KIF6: variants seen among roughly 807,000 people sequenced by gnomAD.
KIF6 encodes kinesin family member 6.
KIF6 carries 106 observed loss-of-function variants against 112.7 expected under a neutral mutation model. The ratio of observed to expected loss-of-function variants is 0.94; its 90% CI spans 0.80 to 1.11. The LOEUF (loss-of-function observed/expected upper bound fraction) is 1.11. Among genes scored for constraint, KIF6 ranks in the 50% least tolerant of loss-of-function variants. KIF6 has a pLI of 0.00. For synonymous variants in KIF6, 339 were observed against 339.9 expected, an observed-to-expected ratio of 1.00 and a Z score of 0.03; for missense variants, 929 against 964.0, an observed-to-expected ratio of 0.96 and a Z score of 0.48.
intron 15 of KIF6, among the ~76,000 whole-genome samples, chr6:39,404,255 A>G (rs1023950970): frequency 6.6e-6 from 1 of 152,226 alleles, no homozygotes; most frequent in African/African-American, 2.4e-5. Context: ...AACCCCAGAC[A>G]TGAAGAGTTT....
chr6:39,713,230 A>T (rs774352449), intron 3 of KIF6, among the ~76,000 whole-genome samples: 1 of 152,244 alleles, frequency 6.6e-6, no homozygotes, highest in Non-Finnish European at 1.5e-5. Context: ...GAGTGTGACA[A>T]GTGAACAAAG....
intron 8 of KIF6, 35 bp downstream of exon 8, chr6:39,586,226 T>A (rs766259645): frequency 6.2e-7 from 1 of 1,611,762 alleles, no homozygotes; most frequent in Non-Finnish European, 8.5e-7. Flanking sequence ...AGTAAAAACC[T>A]AGATTAAGAT....
At chr6:39,460,536 TAAAAAA>T (rs759528125) in intron 13 of KIF6, among the ~76,000 whole-genome samples, 1 of 57,078 alleles carries the variant, frequency 1.8e-5, no homozygotes, top group African/African-American at 7.3e-5. Context: ...AAAAAAAAAG[TAAAAAA>T]AAAAAAAAAA....
chr6:39,430,634 T>C (rs1029183566), intron 14 of KIF6, among the ~76,000 whole-genome samples: 27 of 152,216 alleles, frequency 1.8e-4, no homozygotes, highest in African/African-American at 6.5e-4. Context: ...TCACAAGATG[T>C]GCACATATTT....
At chr6:39,437,625 C>G (rs890580029) in intron 13 of KIF6, among the ~76,000 whole-genome samples, 1 of 152,154 alleles carries the variant, frequency 6.6e-6, no homozygotes, top group Non-Finnish European at 1.5e-5. Flanking sequence ...AGAAATTCAG[C>G]ACCATCTTCT....
At chr6:39,472,284 C>G (rs577198396) in intron 13 of KIF6, among the ~76,000 whole-genome samples, 38 of 152,280 alleles carry the variant, frequency 2.5e-4, no homozygotes, top group African/African-American at 7.0e-4. Flanking sequence ...AGTTTTCATG[C>G]CAGGCTTCTC....
At chr6:39,486,145 C>T (rs550098364) in intron 13 of KIF6, among the ~76,000 whole-genome samples, 7 of 152,332 alleles carry the variant, frequency 4.6e-5, no homozygotes, top group East Asian at 1.9e-4. Context: ...TCCAAGTTGG[C>T]CTGAGGCTGA....
At chr6:39,624,948 G>A (rs1403237235) in intron 5 of KIF6, among the ~76,000 whole-genome samples, 1 of 121,620 alleles carries the variant, frequency 8.2e-6, no homozygotes, top group East Asian at 2.3e-4. Flanking sequence ...ATTTAGAGAT[G>A]GAGCTTTTGG....
intron 6 of KIF6, among the ~76,000 whole-genome samples, chr6:39,610,608 C>T (rs1157423708): frequency 6.6e-6 from 1 of 152,198 alleles, no homozygotes; most frequent in Non-Finnish European, 1.5e-5. Context: ...TTTTAGAAGA[C>T]TGTGAATAAT....
chr6:39,503,143 C>T (rs1444655666), intron 13 of KIF6, among the ~76,000 whole-genome samples: 2 of 152,202 alleles, frequency 1.3e-5, no homozygotes, highest in African/African-American at 4.8e-5. Flanking sequence ...CAAACCATCT[C>T]TCAGACCACA....
chr6:39,527,242 G>A (rs1027630000), intron 13 of KIF6, among the ~76,000 whole-genome samples: 12 of 152,298 alleles, frequency 7.9e-5, no homozygotes, highest in East Asian at 1.9e-4. Flanking sequence ...CTAAGTGCCA[G>A]AAGCACTGAG....
chr6:39,448,249 A>G (rs1056560485), intron 13 of KIF6, among the ~76,000 whole-genome samples: 1 of 152,110 alleles, frequency 6.6e-6, no homozygotes, highest in Non-Finnish European at 1.5e-5. Context: ...ATCTTGGCTC[A>G]CTGCAACCTC....
rs1322135715 is a variant in KIF6, at chr6:39,416,243, T to G, written c.1810+3705A>C. ...TAAAACAGTGATGATGTAAAAAAAC[T>G]AATGCCTGGATTCTAGTAAGCAAAA... On this transcript the variant is annotated intron_variant, in intron 15 of 22. Transcript: ENST00000287152. Among the ~76,000 whole-genome samples, 4 of 152,236 alleles carry G rather than the reference T, an allele frequency of 2.6e-5. No homozygotes were observed. In the East Asian group the frequency reaches 7.7e-4, roughly 29 times the overall value.
At chr6:39,616,084 A>G (rs566617040) in intron 5 of KIF6, among the ~76,000 whole-genome samples, 1 of 152,326 alleles carries the variant, frequency 6.6e-6, no homozygotes, top group Admixed American at 6.5e-5. Flanking sequence ...ATGGAATTCT[A>G]AGCATGCTCA....
intron 15 of KIF6, among the ~76,000 whole-genome samples, chr6:39,400,286 T>C (rs1276365185): frequency 6.6e-6 from 1 of 152,206 alleles, no homozygotes; most frequent in Non-Finnish European, 1.5e-5. Flanking sequence ...GCAAGAAAGC[T>C]GTGCAAACTG....
chr6:39,487,384 C>T (rs112726809), intron 13 of KIF6, among the ~76,000 whole-genome samples: 3,133 of 152,266 alleles, frequency 0.021, 52 homozygotes, highest in Non-Finnish European at 0.029. Context: ...GTCAGATTCC[C>T]TCCCCAGGGG....
At chr6:39,696,285 A>T (rs1788534130) in intron 3 of KIF6, among the ~76,000 whole-genome samples, 1 of 152,150 alleles carries the variant, frequency 6.6e-6, no homozygotes, top group South Asian at 2.1e-4. Flanking sequence ...GTACCCCTGA[A>T]TCTAAAATTT....
rs566365082 is a variant in KIF6 at position 39,463,732 on chromosome 6, C to T, written c.1646-32571G>A. 3.3e-5 allele frequency among the ~76,000 whole-genome samples: 5 copies of T among 152,186 alleles called. No homozygotes were observed. The East Asian group carries it at 7.7e-4, about 24-fold the overall frequency. Reference sequence around the variant, plus strand: ...CATATCAACACATCTCTTCTGAGTCCCCATAGTGACTGTCAGTTGTCTTTT... The same window carrying T: ...CATATCAACACATCTCTTCTGAGTCTCCATAGTGACTGTCAGTTGTCTTTT... On this transcript the variant is annotated intron_variant, in intron 13 of 22. Transcript: ENST00000287152.
chr6:39,466,612 C>G (rs1180749829), intron 13 of KIF6, among the ~76,000 whole-genome samples: 3 of 152,012 alleles, frequency 2.0e-5, no homozygotes, highest in Non-Finnish European at 4.4e-5. Context: ...GATGGAAGCT[C>G]TACTCTGGAT....
Sources: allele counts gnomAD v4.1 joint callset (sites outside exome capture counted in the v4.1 genomes callset), GRCh38; gene constraint gnomAD v4.1.1; transcripts MANE v1.5; gene names NCBI Gene and HGNC (gene_info 2026-07-23, HGNC 2026-07-21).